TRPC5: variants seen among roughly 807,000 people sequenced by gnomAD.
The protein encoded by TRPC5 is transient receptor potential cation channel subfamily C member 5, also known as short transient receptor potential channel 5.
TRPC5 carries 9 observed loss-of-function variants against 56.5 expected under a neutral mutation model. The ratio of observed to expected loss-of-function variants is 0.16; its 90% confidence interval spans 0.10 to 0.28. The LOEUF (loss-of-function observed/expected upper bound fraction) is 0.28. TRPC5 is among the 10% of genes least tolerant of loss of function. The pLI is 1.00. For synonymous variants in TRPC5, 282 were observed against 278.5 expected (o/e 1.01, Z -0.13); for missense variants, 469 against 748.9 (o/e 0.63, Z 4.36).
chrX:112,073,743 G>A (rs912953796), intron 1 of TRPC5, among the ~76,000 whole-genome samples: 5 of 111,439 alleles, frequency 4.5e-5, no homozygotes, highest in Non-Finnish European at 7.5e-5. Flanking sequence ...CTGACTCCGC[G>A]CTTAATCTTA....
intron 3 of TRPC5, among the ~76,000 whole-genome samples, chrX:111,906,231 T>C (rs1386393175): frequency 9.1e-6 from 1 of 109,382 alleles, no homozygotes; most frequent in African/African-American, 3.3e-5. Flanking sequence ...GGTAGGCACC[T>C]GTAATCCCAG....
intron 1 of TRPC5, among the ~76,000 whole-genome samples, chrX:112,011,420 G>C (rs775890569): frequency 1.3e-4 from 15 of 111,857 alleles, no homozygotes; most frequent in Non-Finnish European, 2.4e-4. Context: ...ACTGTGACTT[G>C]GAAAGAGTCA....
chrX:111,905,691 G>C lies in TRPC5; in HGVS notation c.900+6600C>G, dbSNP rs778963103. 6.3e-5 allele frequency among the ~76,000 whole-genome samples: 7 copies of C among 110,763 alleles called. No homozygotes were observed. In the South Asian group the frequency reaches 2.3e-3, roughly 36 times the overall value. On this transcript the variant is annotated intron_variant, in intron 3 of 10. Coordinates refer to ENST00000262839, the MANE Select transcript of TRPC5 (RefSeq NM_012471.3). ...GCACTTTGGGAGGCCAAGGCAAGTGGATCACGAGGTCAGGAGATGGAGACC... is the reference window on the plus strand; with the variant it reads ...GCACTTTGGGAGGCCAAGGCAAGTGCATCACGAGGTCAGGAGATGGAGACC...
At chrX:112,050,101 G>A (rs1323057735) in intron 1 of TRPC5, among the ~76,000 whole-genome samples, 4 of 112,062 alleles carry the variant, frequency 3.6e-5, no homozygotes, top group African/African-American at 3.2e-5. Context: ...GCTTGAACCC[G>A]GTAGGCGGAG....
intron 3 of TRPC5, among the ~76,000 whole-genome samples, chrX:111,869,049 G>C (rs1835942349): frequency 8.9e-6 from 1 of 111,859 alleles, no homozygotes; most frequent in Admixed American, 9.5e-5. Context: ...GAAATCAGTG[G>C]CAATGCAAAA....
chrX:111,918,122 G>A (rs1926028177), intron 2 of TRPC5, among the ~76,000 whole-genome samples: 1 of 111,076 alleles, frequency 9.0e-6, no homozygotes, highest in Admixed American at 9.6e-5. Flanking sequence ...GAAGAGATGA[G>A]GAGAGATGAG....
At chrX:111,998,709 C>A (rs1001637116) in intron 1 of TRPC5, among the ~76,000 whole-genome samples, 2 of 111,635 alleles carry the variant, frequency 1.8e-5, no homozygotes, top group African/African-American at 6.5e-5. Context: ...ACAAAACCTG[C>A]ACTTTTTAAA....
At chrX:111,926,096 G>A (rs1378875915) in intron 2 of TRPC5, among the ~76,000 whole-genome samples, 1 of 112,081 alleles carries the variant, frequency 8.9e-6, no homozygotes, top group Non-Finnish European at 1.9e-5. Context: ...TTCTGGGCAT[G>A]AGGCTTTTTT....
chrX:111,989,005 C>G (rs1603132646), intron 1 of TRPC5, among the ~76,000 whole-genome samples: 1 of 111,859 alleles, frequency 8.9e-6, no homozygotes, highest in East Asian at 2.8e-4. Flanking sequence ...TATAAAGTTC[C>G]TAGAACGTTG....
At chrX:111,964,199 C>T (rs767823761) in intron 1 of TRPC5, among the ~76,000 whole-genome samples, 20 of 111,457 alleles carry the variant, frequency 1.8e-4, no homozygotes, top group South Asian at 7.6e-4. Flanking sequence ...GGAGCTGATG[C>T]GATCAACTGG....
intron 2 of TRPC5, among the ~76,000 whole-genome samples, chrX:111,945,501 C>G (rs752962337): frequency 9.1e-6 from 1 of 109,522 alleles, no homozygotes; most frequent in Non-Finnish European, 1.9e-5. Flanking sequence ...GCACACACAC[C>G]GACATACATA....
intron 7 of TRPC5, among the ~76,000 whole-genome samples, chrX:111,796,879 G>A (rs1921115522): frequency 2.7e-5 from 3 of 111,982 alleles, no homozygotes; most frequent in South Asian, 7.3e-4. Flanking sequence ...TGTTACCAAT[G>A]TTTTCCTTTA....
chrX:111,813,591 A>G (rs767132442), intron 7 of TRPC5, among the ~76,000 whole-genome samples: 1 of 112,777 alleles, frequency 8.9e-6, no homozygotes, highest in South Asian at 3.7e-4. Flanking sequence ...GATTTCCTGC[A>G]AGCAACTATC....
chrX:111,769,053 G>A lies in TRPC5; in HGVS notation c.*7260C>T, dbSNP rs1333620327. The stretch of plus-strand genomic sequence containing the variant: ...TGAATATGTGACTTTCAAATGACCT[G>A]AACACATTCAGCTAGCTAGCTGCCA... On this transcript the variant is annotated 3_prime_UTR_variant, in exon 11 of 11. Coordinates refer to ENST00000262839, the MANE Select transcript of TRPC5 (RefSeq NM_012471.3). 8.9e-6 allele frequency among the ~76,000 whole-genome samples: 1 copy of A among 111,733 alleles called. No homozygotes were observed. The highest frequency in any genetic ancestry group is 1.9e-5 in the Non-Finnish European group (1 of 53,086).
chrX:111,955,711 A>C (rs1379585613), intron 1 of TRPC5, among the ~76,000 whole-genome samples: 1 of 111,685 alleles, frequency 9.0e-6, no homozygotes, highest in African/African-American at 3.3e-5. Context: ...CTTTCTCTGC[A>C]TGCTTGCTGT....
intron 1 of TRPC5, among the ~76,000 whole-genome samples, chrX:111,996,936 G>C (rs1928553193): frequency 9.0e-6 from 1 of 111,238 alleles, no homozygotes; most frequent in Admixed American, 9.6e-5. Context: ...CACACTGATG[G>C]GTCTTGGCTC....
chrX:112,046,165 A>G (rs766277639), intron 1 of TRPC5, among the ~76,000 whole-genome samples: 1 of 106,435 alleles, frequency 9.4e-6, no homozygotes, highest in East Asian at 2.9e-4. Context: ...TCATAACTTC[A>G]TAACTAGCCC....
At chrX:111,893,079 G>GTT (rs79584045) in intron 3 of TRPC5, among the ~76,000 whole-genome samples, 5,823 of 88,075 alleles carry the variant, frequency 0.066, 234 homozygotes, top group African/African-American at 0.14. Context: ...CAAATATAGG[G>GTT]TTTTTTTTTT....
intron 1 of TRPC5, among the ~76,000 whole-genome samples, chrX:111,997,516 C>T (rs1466791191): frequency 9.0e-6 from 1 of 110,731 alleles, no homozygotes; most frequent in Non-Finnish European, 1.9e-5. Flanking sequence ...TCTGGATTTC[C>T]TGAATTTGAA....
Sources: gnomAD v4.1 joint callset for allele counts (sites outside exome capture counted in the v4.1 genomes callset) on GRCh38, gnomAD v4.1.1 for gene constraint, MANE v1.5 for transcripts, NCBI Gene and HGNC (gene_info 2026-07-23, HGNC 2026-07-21) for gene names.